The following ATRX variants were observed in gnomAD, a reference collection of about 807,000 sequenced individuals.
The protein encoded by ATRX is ATRX chromatin remodeler, also known as chromatin remodeler ATRX.
In ATRX, 12 loss-of-function variants were observed where a neutral mutation model predicts 172.6. The ratio of observed to expected loss-of-function variants is 0.07; its 90% confidence interval spans 0.04 to 0.11. The LOEUF (loss-of-function observed/expected upper bound fraction) is 0.11. Among genes scored for constraint, ATRX ranks in the 10% least tolerant of loss-of-function variants. The pLI is 1.00. For missense variants in ATRX, 1,368 were observed against 1,767.4 expected (o/e 0.77, Z 4.05); for synonymous variants, 674 against 594.7 (o/e 1.13, Z -1.94).
At chrX:77,718,599 C>G (rs1241067815) in intron 1 of ATRX, among the ~76,000 whole-genome samples, 8 of 110,463 alleles carry the variant, frequency 7.2e-5, no homozygotes, top group East Asian at 5.7e-4. Flanking sequence ...TGGTCTCTAT[C>G]TCCTGACCTC....
In ATRX at chrX:77,688,054, C is replaced by CA. The variant is rs781876980; in HGVS notation, c.594+763dup. Among the ~76,000 whole-genome samples the CA allele has an allele frequency of 7.2e-5, 8 of 111,163 alleles. No homozygotes were observed. In the East Asian group the frequency reaches 2.3e-3, roughly 31 times the overall value. The stretch of plus-strand genomic sequence containing the variant: ...CCGGGTTCAAGCGATTCTCCTGCCT[C>CA]AGTCTCCCAAGTAGCTGGGATTACA... On this transcript the variant is annotated intron_variant, in intron 7 of 34. Transcript: ENST00000373344.
At chrX:77,566,190 C>A (rs901484644) in intron 28 of ATRX, among the ~76,000 whole-genome samples, 7 of 111,313 alleles carry the variant, frequency 6.3e-5, no homozygotes, top group African/African-American at 2.0e-4. Flanking sequence ...ACAGGATAAA[C>A]CCAAACAAAT....
chrX:77,521,072 T>C, intron 33 of ATRX, 156 bp from the exon 34 acceptor site: 1 of 535,643 alleles, frequency 1.9e-6, no homozygotes, highest in East Asian at 3.6e-5. Flanking sequence ...GGGTACTAAG[T>C]TGTTCACTGC....
At chrX:77,545,725 A>C (rs1423428118) in intron 30 of ATRX, among the ~76,000 whole-genome samples, 4 of 112,069 alleles carry the variant, frequency 3.6e-5, no homozygotes, top group African/African-American at 1.3e-4. Flanking sequence ...AGAGACAAAA[A>C]TAAAAATGCA....
intron 1 of ATRX, among the ~76,000 whole-genome samples, chrX:77,779,622 C>G (rs1603349373): frequency 8.9e-6 from 1 of 111,942 alleles, no homozygotes; most frequent in Non-Finnish European, 1.9e-5. Flanking sequence ...CATTTACTTA[C>G]CAATCTCCCT....
chrX:77,731,983 G>A (rs782583152), intron 1 of ATRX, among the ~76,000 whole-genome samples: 68 of 111,864 alleles, frequency 6.1e-4, no homozygotes, highest in African/African-American at 2.0e-3. Flanking sequence ...CTCACCAGTG[G>A]AGGGCAGCCA....
At chrX:77,761,001 G>A (rs1465122696) in intron 1 of ATRX, among the ~76,000 whole-genome samples, 1 of 111,735 alleles carries the variant, frequency 8.9e-6, no homozygotes, top group Non-Finnish European at 1.9e-5. Flanking sequence ...AAAAACTGAT[G>A]AATTTTGTCT....
chrX:77,535,199 A>G (rs1453876299), intron 30 of ATRX, among the ~76,000 whole-genome samples: 4 of 112,357 alleles, frequency 3.6e-5, no homozygotes, highest in African/African-American at 1.3e-4. Flanking sequence ...TGAAATTCAC[A>G]TAACACCTTG....
chrX:77,510,719 G>A (rs782494487), intron 34 of ATRX, among the ~76,000 whole-genome samples: 16 of 112,245 alleles, frequency 1.4e-4, no homozygotes, highest in Non-Finnish European at 2.4e-4. Context: ...TGTGAAAAGC[G>A]GAGGGAAGGG....
chrX:77,773,086 T>A (rs1280249061), intron 1 of ATRX, among the ~76,000 whole-genome samples: 1 of 77,317 alleles, frequency 1.3e-5, no homozygotes, highest in Non-Finnish European at 2.4e-5. Context: ...TGTGGCAAAT[T>A]TCAGCTAAAA....
intron 30 of ATRX, among the ~76,000 whole-genome samples, chrX:77,545,704 C>T (rs1366926294): frequency 9.0e-6 from 1 of 111,693 alleles, no homozygotes; most frequent in Non-Finnish European, 1.9e-5. Context: ...CAGATAGTAA[C>T]AGTCTCAGAA....
intron 10 of ATRX, among the ~76,000 whole-genome samples, chrX:77,669,638 A>G (rs2070448145): frequency 9.0e-6 from 1 of 111,455 alleles, no homozygotes; most frequent in Admixed American, 9.6e-5. Flanking sequence ...TTTTAAAAAT[A>G]AGTGTATTTC....
chrX:77,786,196 C>T lies in ATRX; in HGVS notation c.-195G>A. 3 of 458,601 alleles carry T rather than the reference C, an allele frequency of 6.5e-6. No homozygotes were observed. The highest frequency in any genetic ancestry group is 1.1e-5 in the Non-Finnish European group (3 of 274,361). The allele number at this position is 458,601 out of a possible 1,213,427, so 37.8% of individuals were successfully genotyped here. The stretch of plus-strand genomic sequence containing the variant: ...CGGAAACAAAGCGACACCGCTGCCG[C>T]CGCCATTTTGTTGGGCCGAGGCTCA... On this transcript the variant is annotated 5_prime_UTR_variant, in exon 1 of 35. Coordinates refer to ENST00000373344, the MANE Select transcript of ATRX (RefSeq NM_000489.6).
chrX:77,652,806 C>CAA (rs1157989117), intron 14 of ATRX, among the ~76,000 whole-genome samples: 1 of 67,869 alleles, frequency 1.5e-5, no homozygotes, highest in Non-Finnish European at 2.8e-5. Context: ...GACTCTGTCT[C>CAA]AAAAAAAAAA....
intron 22 of ATRX, among the ~76,000 whole-genome samples, chrX:77,613,885 G>A (rs2067255978): frequency 9.0e-6 from 1 of 111,505 alleles, no homozygotes; most frequent in Non-Finnish European, 1.9e-5. Context: ...AAAACCTTAA[G>A]TGTTTACTGA....
rs782204837 is a variant in ATRX, at chrX:77,523,949, G to A, written c.6700-548C>T. 2.2e-4 allele frequency among the ~76,000 whole-genome samples: 25 copies of A among 111,433 alleles called. No homozygotes were observed. In the South Asian group the frequency reaches 9.0e-3, roughly 40 times the overall value. ...AGGAATGTAAATGTTAAATTACACT[G>A]TAAAGACCCATGGGTCAAATTTAAA... On this transcript the variant is annotated intron_variant, in intron 30 of 34. Transcript: ENST00000373344.
At chrX:77,697,465 G>T in intron 4 of ATRX, 118 bp downstream of exon 4, 1 of 654,286 alleles carries the variant, frequency 1.5e-6, no homozygotes, top group Non-Finnish European at 2.4e-6. Flanking sequence ...ATGTATATTT[G>T]TATAGAATAG....
At chrX:77,560,260 A>G (rs2064971587) in intron 28 of ATRX, among the ~76,000 whole-genome samples, 1 of 111,813 alleles carries the variant, frequency 8.9e-6, no homozygotes, top group Admixed American at 9.5e-5. Context: ...TTGAAAATAA[A>G]AACAACTCTA....
chrX:77,567,402 A>G (rs1173640043), intron 28 of ATRX, among the ~76,000 whole-genome samples: 2 of 111,817 alleles, frequency 1.8e-5, no homozygotes, highest in African/African-American at 3.2e-5. Context: ...TTGAAGTAAA[A>G]GGATGAAAAA....
Sources: gnomAD v4.1 joint callset for allele counts (sites outside exome capture counted in the v4.1 genomes callset) on GRCh38, gnomAD v4.1.1 for gene constraint, MANE v1.5 for transcripts, NCBI Gene and HGNC (gene_info 2026-07-23, HGNC 2026-07-21) for gene names.